Variants in BMPER observed in about 807,000 individuals in gnomAD.
BMPER encodes the protein BMP-binding endothelial regulator protein.
In BMPER, 45 loss-of-function variants were observed where a neutral mutation model predicts 87.3. The observed-to-expected ratio is 0.52, with a 90% CI of 0.41 to 0.66. BMPER has a LOEUF of 0.66. Among genes scored for constraint, BMPER ranks in the 30% least tolerant of loss-of-function variants. The pLI, the probability that BMPER is intolerant of heterozygous loss-of-function variation, is 0.00. For missense variants in BMPER, 784 were observed against 867.5 expected (o/e 0.90, Z 1.21); for synonymous variants, 326 against 316.2 (o/e 1.03, Z -0.33).
At chr7:33,966,678 A>C in intron 4 of BMPER, 117 bp downstream of exon 4, 1 of 969,518 alleles carries the variant, frequency 1.0e-6, no homozygotes, top group Non-Finnish European at 1.6e-6. Context: ...TGAAAAAAAC[A>C]ATGAAAAAGC....
intron 13 of BMPER, among the ~76,000 whole-genome samples, chr7:34,140,843 A>G (rs1424336095): frequency 6.6e-6 from 1 of 152,212 alleles, no homozygotes; most frequent in Non-Finnish European, 1.5e-5. Context: ...CCGGGGACAC[A>G]TTTCCTCACA....
At chr7:34,012,432 C>A (rs1191207294) in intron 6 of BMPER, among the ~76,000 whole-genome samples, 1 of 151,936 alleles carries the variant, frequency 6.6e-6, no homozygotes, top group African/African-American at 2.4e-5. Flanking sequence ...GTTAAGGAAA[C>A]TGACTCACTT....
At chr7:34,123,548 A>C (rs1790316420) in intron 13 of BMPER, among the ~76,000 whole-genome samples, 1 of 152,150 alleles carries the variant, frequency 6.6e-6, no homozygotes, top group South Asian at 2.1e-4. Context: ...TGATGATTCT[A>C]AAGTGCAATC....
intron 13 of BMPER, among the ~76,000 whole-genome samples, chr7:34,104,218 A>G (rs999946691): frequency 3.3e-5 from 5 of 152,050 alleles, no homozygotes; most frequent in African/African-American, 1.2e-4. Context: ...CTTTCTCTCT[A>G]ATGCTTCGGT....
chr7:34,003,192 C>CAT (rs768833059), intron 6 of BMPER, among the ~76,000 whole-genome samples: 1 of 151,494 alleles, frequency 6.6e-6, no homozygotes, highest in Admixed American at 6.6e-5. Context: ...CACACACACA[C>CAT]ATATATACAC....
chr7:33,932,024 T>A (rs970061008), intron 2 of BMPER, among the ~76,000 whole-genome samples: 2 of 152,204 alleles, frequency 1.3e-5, no homozygotes, highest in South Asian at 4.1e-4. Flanking sequence ...CCTTGCTGTA[T>A]GATTTCTGTC....
intron 12 of BMPER, among the ~76,000 whole-genome samples, chr7:34,081,571 A>G (rs916373222): frequency 1.3e-5 from 2 of 152,206 alleles, no homozygotes; most frequent in South Asian, 4.1e-4. Flanking sequence ...AGCTCGAGAG[A>G]GCATTGTCCA....
chr7:34,074,894 G>A (rs539084820), intron 11 of BMPER, among the ~76,000 whole-genome samples: 75 of 152,244 alleles, frequency 4.9e-4, no homozygotes, highest in African/African-American at 1.8e-3. Context: ...TATAAACAGT[G>A]GCTGTTTCTT....
At position 33,905,709 on chromosome 7, in the gene BMPER, G is replaced by C; in HGVS notation, c.96G>C (p.Ser32=). The C allele has an allele frequency of 9.3e-6, 15 of 1,613,364 alleles. No homozygotes were observed. Among genetic ancestry groups the C allele is most frequent in the African/African-American group, 1.3e-5 (1 of 74,978 alleles). ...TCCVLLLLNC[S]GVPMSLASSF... is the part of the protein sequence containing the mutation. ...GCGTCTTGCTGCTACTCAATTGCTC[G>C]GGGGTCCCCATGTCTCTGGCTTCCT... is the stretch of plus-strand genomic sequence containing the variant. The change falls in exon 1 of 15, where the codon TCG becomes TCC. Residue 32 remains serine, a synonymous_variant. Transcript: ENST00000649409.
At chr7:34,045,209 GAAAGA>G (rs759035085) in intron 6 of BMPER, among the ~76,000 whole-genome samples, 25 of 152,238 alleles carry the variant, frequency 1.6e-4, no homozygotes, top group Middle Eastern at 3.4e-3. Context: ...ATTTTCTTAA[GAAAGA>G]AAAGAAAAGA....
chr7:34,017,829 G>A (rs995272897), intron 6 of BMPER, among the ~76,000 whole-genome samples: 1 of 151,822 alleles, frequency 6.6e-6, no homozygotes, highest in Non-Finnish European at 1.5e-5. Context: ...AGAGCCAGCT[G>A]TTGATTGGTA....
At chr7:34,005,491 A>G (rs1222085786) in intron 6 of BMPER, among the ~76,000 whole-genome samples, 1 of 151,872 alleles carries the variant, frequency 6.6e-6, no homozygotes, top group East Asian at 1.9e-4. Context: ...TTTGTCATGC[A>G]GGCTGGAGTG....
intron 3 of BMPER, among the ~76,000 whole-genome samples, chr7:33,948,475 G>A (rs544576917): frequency 1.3e-5 from 2 of 152,256 alleles, no homozygotes; most frequent in South Asian, 4.2e-4. Context: ...TTCTTGCTTG[G>A]CATATAATGT....
In BMPER at chr7:34,127,038, T is replaced by A. The variant is rs1790421235; in HGVS notation, c.1746-16192T>A. Among the ~76,000 whole-genome samples, 5 of 152,272 alleles carry A rather than the reference T, an allele frequency of 3.3e-5. No individual in the cohort carries two copies. In the South Asian group the frequency reaches 1.0e-3, roughly 32 times the overall value. On this transcript the variant is annotated intron_variant, in intron 13 of 14. Coordinates refer to ENST00000649409, the MANE Select transcript of BMPER (RefSeq NM_001365308.1). The stretch of plus-strand genomic sequence containing the variant: ...TACTATTTCATGGTAGGCAAAAGAA[T>A]AATAAACCTTAAAGGAGGAATCATC...
rs1791292744 is a variant in BMPER, at chr7:34,155,889, AG to A, written c.*2617del. 2 of 152,228 alleles carry A rather than the reference AG, an allele frequency of 1.3e-5. No homozygotes were observed. The highest frequency in any genetic ancestry group is 6.5e-5 in the Admixed American group (1 of 15,282). The allele number at this position is 152,228 out of a possible 1,614,324, so 9.4% of individuals were successfully genotyped here. ...TGAATATTGAATTTGATGAGAAACA[AG>A]CACCCTCAATGAAGAACAAGCATAA... On this transcript the variant is annotated 3_prime_UTR_variant, in exon 15 of 15. Transcript: ENST00000649409.
chr7:33,936,528 C>A (rs1784607209), intron 2 of BMPER, among the ~76,000 whole-genome samples: 1 of 152,208 alleles, frequency 6.6e-6, no homozygotes, highest in African/African-American at 2.4e-5. Flanking sequence ...TGATAAATCT[C>A]ACATTTTGTT....
intron 2 of BMPER, among the ~76,000 whole-genome samples, chr7:33,933,332 C>T (rs900674278): frequency 4.6e-5 from 7 of 151,954 alleles, no homozygotes; most frequent in Non-Finnish European, 1.0e-4. Flanking sequence ...TGCAGACAGA[C>T]GCCTTTGACA....
intron 13 of BMPER, among the ~76,000 whole-genome samples, chr7:34,100,078 T>C (rs1182463727): frequency 1.3e-5 from 2 of 152,184 alleles, no homozygotes; most frequent in East Asian, 1.9e-4. Context: ...TCAACTGTTA[T>C]ATAAATATTT....
intron 6 of BMPER, among the ~76,000 whole-genome samples, chr7:34,026,704 G>A (rs960012128): frequency 1.3e-5 from 2 of 152,110 alleles, no homozygotes; most frequent in African/African-American, 2.4e-5. Context: ...GATGACAGAT[G>A]TGTTTTTAGA....
Sources: allele counts gnomAD v4.1 joint callset (sites outside exome capture counted in the v4.1 genomes callset), GRCh38; gene constraint gnomAD v4.1.1; transcripts MANE v1.5; gene names NCBI Gene and HGNC (gene_info 2026-07-23, HGNC 2026-07-21).